Variants in STXBP5L observed in about 807,000 individuals in gnomAD.
The protein encoded by STXBP5L is syntaxin binding protein 5L.
In STXBP5L, 65 loss-of-function variants were observed where a neutral mutation model predicts 144.5. The observed-to-expected ratio is 0.45, with a 90% CI of 0.37 to 0.55. The LOEUF (loss-of-function observed/expected upper bound fraction) is 0.55, where lower values mean the gene tolerates loss of function less well. Ranked by LOEUF, STXBP5L falls within the 20% of genes least tolerant of loss-of-function variation. The pLI, the probability that STXBP5L is intolerant of heterozygous loss-of-function variation, is 0.00. For missense variants in STXBP5L, 1,298 were observed against 1,405.5 expected (o/e 0.92, Z 1.22); for synonymous variants, 505 against 469.6 (o/e 1.08, Z -0.97).
chr3:121,042,546 G>GA (rs1361544278), intron 4 of STXBP5L, among the ~76,000 whole-genome samples: 1 of 151,996 alleles, frequency 6.6e-6, no homozygotes, highest in African/African-American at 2.4e-5. Context: ...CAGTGTCTCG[G>GA]AAAAAAATGT....
At chr3:121,376,653 A>C (rs1306234057) in intron 20 of STXBP5L, among the ~76,000 whole-genome samples, 1 of 152,106 alleles carries the variant, frequency 6.6e-6, no homozygotes, top group Non-Finnish European at 1.5e-5. Context: ...GTATAGTTTG[A>C]AGTCAGGCAG....
chr3:121,327,338 C>A (rs2044180926), intron 20 of STXBP5L, among the ~76,000 whole-genome samples: 1 of 152,196 alleles, frequency 6.6e-6, no homozygotes, highest in Non-Finnish European at 1.5e-5. Flanking sequence ...GATTACTCTG[C>A]TGCAATGCTA....
chr3:120,935,375 A>G (rs1710208905), intron 2 of STXBP5L, among the ~76,000 whole-genome samples: 2 of 151,632 alleles, frequency 1.3e-5, no homozygotes, highest in South Asian at 4.1e-4. Context: ...TGTTGCTATT[A>G]CTATTTTTGA....
chr3:121,075,223 G>T (rs1441241321), intron 5 of STXBP5L, among the ~76,000 whole-genome samples: 1 of 152,004 alleles, frequency 6.6e-6, no homozygotes, highest in Non-Finnish European at 1.5e-5. Flanking sequence ...TCTCTCTCTG[G>T]ACATTCATTC....
chr3:121,248,878 C>T (rs773049484), intron 14 of STXBP5L, among the ~76,000 whole-genome samples: 7 of 152,166 alleles, frequency 4.6e-5, no homozygotes, highest in Non-Finnish European at 8.8e-5. Context: ...AGCCAGTTAT[C>T]CCAGCACCCC....
chr3:121,262,936 A>G (rs982903753), intron 18 of STXBP5L, among the ~76,000 whole-genome samples: 9 of 152,212 alleles, frequency 5.9e-5, no homozygotes, highest in Non-Finnish European at 1.2e-4. Flanking sequence ...TGAAGAGAGA[A>G]GTGGATCTCC....
chr3:120,981,828 GT>G (rs1357560589), intron 3 of STXBP5L, among the ~76,000 whole-genome samples: 1 of 152,082 alleles, frequency 6.6e-6, no homozygotes. Flanking sequence ...GTTTAGTTTT[GT>G]TTTGATGGGA....
At chr3:121,293,605 A>G (rs1233651855) in intron 19 of STXBP5L, among the ~76,000 whole-genome samples, 1 of 152,230 alleles carries the variant, frequency 6.6e-6, no homozygotes, top group East Asian at 1.9e-4. Flanking sequence ...CACGCCTGCA[A>G]TCCCAACACT....
At chr3:120,912,085 A>C (rs1466885428) in intron 2 of STXBP5L, among the ~76,000 whole-genome samples, 1 of 151,862 alleles carries the variant, frequency 6.6e-6, no homozygotes, top group Non-Finnish European at 1.5e-5. Context: ...CATCCCCTCT[A>C]TTCTATTTCC....
intron 20 of STXBP5L, among the ~76,000 whole-genome samples, chr3:121,369,582 T>A (rs1489189297): frequency 6.6e-6 from 1 of 152,072 alleles, no homozygotes; most frequent in African/African-American, 2.4e-5. Flanking sequence ...TTTCTTTGAT[T>A]TTTTTTTCAT....
rs549194638 is a variant in STXBP5L, at chr3:121,336,216, G to A, written c.2176+17676G>A. The stretch of plus-strand genomic sequence containing the variant: ...ATGCAAATCAAAACCACAATGAGAG[G>A]CTGGGCCTGGTGGCTCATGCCTGTA... On this transcript the variant is annotated intron_variant, in intron 20 of 26. Transcript: ENST00000471454. Among the ~76,000 whole-genome samples, 5 of 152,234 alleles carry A rather than the reference G, an allele frequency of 3.3e-5. No individual in the cohort carries two copies. The East Asian group carries it at 9.7e-4, about 29-fold the overall frequency.
chr3:121,144,103 C>T (rs2045620249), intron 7 of STXBP5L, among the ~76,000 whole-genome samples: 1 of 146,646 alleles, frequency 6.8e-6, no homozygotes, highest in African/African-American at 2.5e-5. Flanking sequence ...AAGCGTTAAT[C>T]TGCAAAATAC....
At chr3:121,116,148 A>G (rs1211364090) in intron 6 of STXBP5L, among the ~76,000 whole-genome samples, 2 of 152,128 alleles carry the variant, frequency 1.3e-5, no homozygotes, top group African/African-American at 4.8e-5. Flanking sequence ...CAGAAAAACA[A>G]CTTTTATTTA....
intron 20 of STXBP5L, among the ~76,000 whole-genome samples, chr3:121,349,823 C>T (rs1306795802): frequency 2.0e-5 from 3 of 152,054 alleles, no homozygotes; most frequent in Non-Finnish European, 4.4e-5. Flanking sequence ...AGATCTTCCT[C>T]CATCCGTTTA....
intron 7 of STXBP5L, among the ~76,000 whole-genome samples, chr3:121,132,195 G>T (rs2045022898): frequency 6.6e-6 from 1 of 152,184 alleles, no homozygotes; most frequent in Non-Finnish European, 1.5e-5. Flanking sequence ...TCCCTGCCCT[G>T]CTGCTTAGCA....
intron 22 of STXBP5L, among the ~76,000 whole-genome samples, chr3:121,387,166 C>T (rs1160628109): frequency 6.6e-6 from 1 of 152,290 alleles, no homozygotes; most frequent in East Asian, 1.9e-4. Flanking sequence ...TGATGATGAG[C>T]ATTTTTTCAT....
intron 3 of STXBP5L, among the ~76,000 whole-genome samples, chr3:120,993,608 T>A (rs1943102579): frequency 6.6e-6 from 1 of 152,074 alleles, no homozygotes; most frequent in East Asian, 1.9e-4. Flanking sequence ...ATGAGTTGGT[T>A]GTAAATATGT....
intron 10 of STXBP5L, 106 bp downstream of exon 10, chr3:121,206,107 C>A (rs1339938963): frequency 1.8e-6 from 1 of 555,796 alleles, no homozygotes; most frequent in Non-Finnish European, 3.1e-6. Flanking sequence ...ATTGTAAAGA[C>A]AACTGAATCC....
At chr3:121,004,488 G>A (rs1311473576) in intron 3 of STXBP5L, among the ~76,000 whole-genome samples, 47 of 151,408 alleles carry the variant, frequency 3.1e-4, no homozygotes, top group Admixed American at 1.2e-3. Context: ...CAATCATGTC[G>A]TCTGCAAACA....
Sources: gnomAD v4.1 joint callset for allele counts (sites outside exome capture counted in the v4.1 genomes callset) on GRCh38, gnomAD v4.1.1 for gene constraint, MANE v1.5 for transcripts, NCBI Gene and HGNC (gene_info 2026-07-23, HGNC 2026-07-21) for gene names.